Variants in SYPL1 observed in about 807,000 individuals in gnomAD.
SYPL1 encodes synaptophysin like 1.
In SYPL1, 6 loss-of-function variants were observed where a neutral mutation model predicts 23.7. That is an observed-to-expected ratio of 0.25 (90% CI 0.14 to 0.50). SYPL1 has a LOEUF of 0.50. Ranked by LOEUF, SYPL1 falls within the 20% of genes least tolerant of loss-of-function variation. The pLI is 0.98. For missense variants in SYPL1, 253 were observed against 288.9 expected, an observed-to-expected ratio of 0.88 and a Z score of 0.90; for synonymous variants, 102 against 104.5, an observed-to-expected ratio of 0.98 and a Z score of 0.15.
rs1024458034 is a variant in SYPL1 at position 106,097,907 on chromosome 7, T to C, written c.195-10A>G. ...TGATGCCTCATTCAACCTATTAAAA[T>C]AAATGTATGAATTATTGGACTTTCC... is the stretch of plus-strand genomic sequence containing the variant. On this transcript the variant is annotated splice_polypyrimidine_tract_variant and intron_variant, in intron 2 of 4. Transcript: ENST00000455385. This position sits in a 1 kb window ranked among gnomAD's most constrained non-coding sequence, Gnocchi z 4.6. 2 of 1,604,428 alleles carry C rather than the reference T, an allele frequency of 1.2e-6. No homozygotes were observed. The highest frequency in any genetic ancestry group is 1.7e-6 in the Non-Finnish European group (2 of 1,173,300).
At chr7:106,112,479 CT>C, upstream of SYPL1, 1 of 1,517,284 alleles carries the variant, frequency 6.6e-7, no homozygotes, top group Non-Finnish European at 8.8e-7. Context: ...CAGGCCGCAC[CT>C]GGCCGAGTCG....
At chr7:106,102,516 T>C (rs560277880) in intron 1 of SYPL1, among the ~76,000 whole-genome samples, 12 of 152,304 alleles carry the variant, frequency 7.9e-5, no homozygotes, top group African/African-American at 2.4e-4. Flanking sequence ...TGGTGTGGAA[T>C]TGAGGACTGC....
At chr7:106,112,564 G>T, upstream of SYPL1, 1 of 1,491,002 alleles carries the variant, frequency 6.7e-7, no homozygotes, top group Non-Finnish European at 8.9e-7. Context: ...CTGCGGTTCA[G>T]CCCCTGGCAC....
chr7:106,102,589 A>G (rs176496), intron 1 of SYPL1, among the ~76,000 whole-genome samples: 149,818 of 152,266 alleles, frequency 0.98, 73,705 homozygotes, highest in East Asian at 1. Flanking sequence ...TCATGAGAAT[A>G]AGCTGGAGGC....
At chr7:106,112,571 G>A (rs750875492), upstream of SYPL1, 40 of 1,486,822 alleles carry the variant, frequency 2.7e-5, no homozygotes, top group Middle Eastern at 3.6e-4. Flanking sequence ...TCAGCCCCTG[G>A]CACTCGGTCT....
rs570221670 is a variant in SYPL1, at chr7:106,095,953, G to A, written c.402+1737C>T. On this transcript the variant is annotated intron_variant, in intron 3 of 4. Coordinates refer to ENST00000455385, the MANE Select transcript of SYPL1 (RefSeq NM_182715.4). This position sits in a 1 kb window ranked among gnomAD's most constrained non-coding sequence, Gnocchi z 4.3. Reference sequence around the variant, plus strand: ...GGGTAGTATTTTTAAAAGTTTACTAGACAAAATATGAGAAATAAAGGGCAC... The same window carrying A: ...GGGTAGTATTTTTAAAAGTTTACTAAACAAAATATGAGAAATAAAGGGCAC... 6.6e-6 allele frequency among the ~76,000 whole-genome samples: 1 copy of A among 152,130 alleles called. No individual in the cohort carries two copies. The highest frequency in any genetic ancestry group is 2.1e-4 in the South Asian group (1 of 4,818).
intron 1 of SYPL1, among the ~76,000 whole-genome samples, chr7:106,099,521 A>G (rs1840204346): frequency 6.6e-6 from 1 of 152,022 alleles, no homozygotes; most frequent in East Asian, 1.9e-4. Context: ...TCCCCCAAGC[A>G]GCTGGATCAC....
At chr7:106,112,564 G>A, upstream of SYPL1, 1 of 1,491,002 alleles carries the variant, frequency 6.7e-7, no homozygotes, top group Non-Finnish European at 8.9e-7. Context: ...CTGCGGTTCA[G>A]CCCCTGGCAC....
At chr7:106,092,321 C>CA (rs1361461553) in intron 4 of SYPL1, among the ~76,000 whole-genome samples, 2 of 151,940 alleles carry the variant, frequency 1.3e-5, no homozygotes, top group African/African-American at 2.4e-5. Flanking sequence ...GTTGTAGCCA[C>CA]AAAAAAAGAG....
At chr7:106,094,269 G>A (rs1248860920) in intron 3 of SYPL1, among the ~76,000 whole-genome samples, 1 of 151,926 alleles carries the variant, frequency 6.6e-6, no homozygotes. Context: ...TATGGTTTTT[G>A]CTATTTATTT....
rs766134153 is a variant in SYPL1, at chr7:106,093,021, C to T, written c.519G>A (p.Pro173=). 65 of 1,613,704 alleles carry T rather than the reference C, an allele frequency of 4.0e-5. No individual in the cohort carries two copies. The East Asian group carries it at 5.1e-4, about 13-fold the overall frequency. ...ACAGTACTGCTTTCTTCTTACAAGG[C>T]GGAAGTTCATCAATAATATTGTGAC... ...ATGHNIIDEL[P]PCKKKAVLCY... is the part of the protein sequence containing the mutation. The change falls in exon 4 of 5, where the codon CCG becomes CCA. Residue 173 remains proline, a synonymous_variant. Coordinates refer to ENST00000455385, the MANE Select transcript of SYPL1 (RefSeq NM_182715.4).
rs754872117 is a variant in SYPL1, at chr7:106,099,258, T to C, written c.94A>G (p.Thr32Ala). 6.2e-7 allele frequency: 1 copy of C among 1,613,082 alleles called. No homozygotes were observed. The highest frequency in any genetic ancestry group is 8.5e-7 in the Non-Finnish European group (1 of 1,179,806). Residue 32 changes from threonine (T) to alanine (A), a missense_variant, in exon 2 of 5, where the codon ACC (threonine) becomes GCC (alanine). Thr to Ala is a moderately conservative substitution (Grantham distance 58). Transcript: ENST00000455385. ...GTTTGGCCCTTAAAACCTCCACAGGTGGCAAAAGCAAAGATAGAAGCAATC... is the reference window on the plus strand; with the variant it reads ...GTTTGGCCCTTAAAACCTCCACAGGCGGCAAAAGCAAAGATAGAAGCAATC... ...EWIASIFAFATCGGFKGQTEI... is the reference protein window; with the variant it reads ...EWIASIFAFAACGGFKGQTEI...
chr7:106,106,662 T>C (rs569643877), intron 1 of SYPL1, among the ~76,000 whole-genome samples: 2 of 151,560 alleles, frequency 1.3e-5, no homozygotes, highest in Admixed American at 6.6e-5. Flanking sequence ...CTGGGTGACA[T>C]GGTGGGACTC....
intron 2 of SYPL1, among the ~76,000 whole-genome samples, chr7:106,098,105 C>T (rs1393961576): frequency 6.6e-6 from 1 of 152,192 alleles, no homozygotes; most frequent in Admixed American, 6.5e-5. Flanking sequence ...GTTTATGATA[C>T]ATTGAATATA....
At position 106,112,294 on chromosome 7, in the gene SYPL1, G is replaced by A. The variant is rs951692360; in HGVS notation, c.-86C>T. 6 of 1,378,194 alleles carry A rather than the reference G, an allele frequency of 4.4e-6. No homozygotes were observed. Among genetic ancestry groups the A allele is most frequent in the South Asian group, 3.7e-5 (2 of 54,602 alleles). The allele number at this position is 1,378,194 out of a possible 1,614,324, so 85.4% of individuals were successfully genotyped here. Reference sequence around the variant, plus strand: ...ACCAGAGCAGCCCGGTGGCGAGGAAGGGCAGGCGGGGCTGGCGCGCTGGCC... The same window carrying A: ...ACCAGAGCAGCCCGGTGGCGAGGAAAGGCAGGCGGGGCTGGCGCGCTGGCC... On this transcript the variant is annotated 5_prime_UTR_variant, in exon 1 of 5. Transcript: ENST00000455385.
rs1037979558 is a variant in SYPL1 at position 106,099,430 on chromosome 7, C to G, written c.70-148G>C. ...TCTTTTTTTGAGACAGGGTTTCTGT[C>G]GCCCAGACTGGAGTACACTGGCACG... On this transcript the variant is annotated intron_variant, in intron 1 of 4. Transcript: ENST00000455385. The G allele has an allele frequency of 3.9e-6, 4 of 1,021,368 alleles. No homozygotes were observed. In the South Asian group the frequency reaches 7.1e-5, roughly 18 times the overall value. 63.3% of individuals were successfully genotyped at this position (1,021,368 alleles called of 1,614,324 possible). A position where few individuals can be genotyped will look rare whatever the true frequency, so the allele number is the denominator to read the frequency against.
chr7:106,093,311 C>A (rs1839855911), intron 3 of SYPL1, 174 bp from the exon 4 acceptor site: 2 of 563,254 alleles, frequency 3.6e-6, no homozygotes, highest in Non-Finnish European at 6.0e-6. Context: ...GTTAGTGTTA[C>A]AAGCACAGTG....
At chr7:106,098,281 T>A (rs1840134071) in intron 2 of SYPL1, among the ~76,000 whole-genome samples, 1 of 152,254 alleles carries the variant, frequency 6.6e-6, no homozygotes, top group Admixed American at 6.5e-5. Context: ...ATGATTCACA[T>A]TTTTAACCCT....
At chr7:106,108,033 A>G (rs867236167) in intron 1 of SYPL1, among the ~76,000 whole-genome samples, 14 of 152,064 alleles carry the variant, frequency 9.2e-5, no homozygotes, top group South Asian at 2.1e-4. Context: ...CGTCTCTACT[A>G]AAAATACAAA....
Sources: allele counts gnomAD v4.1 joint callset (sites outside exome capture counted in the v4.1 genomes callset), GRCh38; gene constraint gnomAD v4.1.1; non-coding constraint Gnocchi (gnomAD v3.1); transcripts MANE v1.5; gene names NCBI Gene and HGNC (gene_info 2026-07-23, HGNC 2026-07-21).